Variants in IGSF9B observed in about 807,000 individuals in gnomAD.
IGSF9B encodes immunoglobulin superfamily member 9B, also known as protein turtle homolog B.
IGSF9B carries 48 observed loss-of-function variants against 143.7 expected under a neutral mutation model. That is an observed-to-expected ratio of 0.33 (90% CI 0.26 to 0.42). IGSF9B has a LOEUF of 0.42. Among genes scored for constraint, IGSF9B ranks in the 20% least tolerant of loss-of-function variants. IGSF9B has a pLI of 1.00. For missense variants in IGSF9B, 1,706 were observed against 1,980.0 expected (o/e 0.86, Z 2.63); for synonymous variants, 903 against 833.1 (o/e 1.08, Z -1.44).
At chr11:133,940,417 AC>A (rs1423377770) in intron 3 of IGSF9B, among the ~76,000 whole-genome samples, 1 of 138,684 alleles carries the variant, frequency 7.2e-6, no homozygotes, top group Non-Finnish European at 1.5e-5. Context: ...TACACCTTGC[AC>A]GTCCTCGCAC....
rs79221925 is a variant in IGSF9B at position 133,926,031 on chromosome 11, C to T, written c.1808-66G>A. 1,438 of 1,168,874 alleles carry T rather than the reference C, an allele frequency of 1.2e-3. 15 individuals are homozygous for T. The African/African-American group carries it at 0.017, about 13-fold the overall frequency. The allele number at this position is 1,168,874 out of a possible 1,614,324, so 72.4% of individuals were successfully genotyped here. ...GGCCCAGGGCAGCCACCGCACCCCC[C>T]ACACTCCTGTGCACATGTCAGGGCC... On this transcript the variant is annotated intron_variant, in intron 13 of 19. Coordinates refer to ENST00000533871, the MANE Select transcript of IGSF9B (RefSeq NM_001277285.4).
chr11:133,910,943 TC>T (rs2121269207), intron 19 of IGSF9B, among the ~76,000 whole-genome samples: 1 of 152,338 alleles, frequency 6.6e-6, no homozygotes, highest in East Asian at 1.9e-4. Context: ...TTTCTCTGCC[TC>T]AGTATTTCCA....
intron 1 of IGSF9B, among the ~76,000 whole-genome samples, chr11:133,947,198 C>T (rs1264230587): frequency 6.6e-6 from 1 of 152,170 alleles, no homozygotes; most frequent in Non-Finnish European, 1.5e-5. Flanking sequence ...GAGCCACGCA[C>T]CCCAAGCGCC....
chr11:133,903,884 A>G lies in IGSF9B; in HGVS notation c.*5185T>C, dbSNP rs1435173809. On this transcript the variant is annotated 3_prime_UTR_variant, in exon 20 of 20. Transcript: ENST00000533871. The stretch of plus-strand genomic sequence containing the variant: ...AAGCTGGTAAGAGTGCGAAAGTCCA[A>G]TCTGGGCTTTGATCCTTGGTTTACT... 2.0e-5 allele frequency among the ~76,000 whole-genome samples: 3 copies of G among 152,180 alleles called. No individual in the cohort carries two copies. Among genetic ancestry groups the G allele is most frequent in the African/African-American group, 4.8e-5 (2 of 41,456 alleles).
In IGSF9B at chr11:133,906,560, G is replaced by A. The variant is rs1031024274; in HGVS notation, c.*2509C>T. ...GGTCATGGGCACTGCCAGAGGAAGC[G>A]GAGGAGGAGTCAGCACCTGGGTTAG... On this transcript the variant is annotated 3_prime_UTR_variant, in exon 20 of 20. Transcript: ENST00000533871. 5.9e-5 allele frequency among the ~76,000 whole-genome samples: 9 copies of A among 152,352 alleles called. 1 individual carries two copies. The highest frequency in any genetic ancestry group is 2.1e-4 in the South Asian group (1 of 4,828).
intron 11 of IGSF9B, among the ~76,000 whole-genome samples, chr11:133,930,488 C>CG (rs1939702741): frequency 6.6e-6 from 1 of 152,146 alleles, no homozygotes; most frequent in Non-Finnish European, 1.5e-5. Flanking sequence ...AGGGCCCAGG[C>CG]GAAGGTCCTG....
chr11:133,937,935 G>C lies in IGSF9B; in HGVS notation c.436C>G (p.Pro146Ala). 1 of 1,613,494 alleles carries C rather than the reference G, an allele frequency of 6.2e-7. No individual in the cohort carries two copies. Among genetic ancestry groups the C allele is most frequent in the Non-Finnish European group, 8.5e-7 (1 of 1,179,758 alleles). ...CCCTCCTTGGCCTCGATGTACTGGG[G>C]GGGTGTTTCTGTAAAGGTGGGAGGG... ...NAPPTFTETP[P>A]QYIEAKEGGS... The change falls in exon 4 of 20, where the codon CCC (proline) becomes GCC (alanine). Residue 146 changes from proline to alanine, a missense_variant. This residue lies in a region of IGSF9B where 171 missense variants were observed against 213.9 expected (regional missense o/e 0.80). Transcript: ENST00000533871.
intron 11 of IGSF9B, among the ~76,000 whole-genome samples, chr11:133,930,451 C>T (rs976945717): frequency 2.0e-5 from 3 of 152,140 alleles, no homozygotes; most frequent in African/African-American, 4.8e-5. Context: ...TGATTATAGC[C>T]GTCAGGACCC....
At chr11:133,941,441 G>A (rs973500783) in intron 3 of IGSF9B, among the ~76,000 whole-genome samples, 2 of 152,204 alleles carry the variant, frequency 1.3e-5, no homozygotes, top group Non-Finnish European at 2.9e-5. Flanking sequence ...ATTTTCCAAA[G>A]GTGATCCCCG....
intron 7 of IGSF9B, among the ~76,000 whole-genome samples, chr11:133,935,114 G>C (rs923442992): frequency 6.6e-6 from 1 of 152,142 alleles, no homozygotes; most frequent in Non-Finnish European, 1.5e-5. Context: ...CACCCAAGGG[G>C]AGAGGCCGCG....
rs370726362 is a variant in IGSF9B, at chr11:133,902,016, TACAC to T, written c.*7049_*7052del. Among the ~76,000 whole-genome samples, 61 of 96,890 alleles carry T rather than the reference TACAC, an allele frequency of 6.3e-4. No homozygotes were observed. Among genetic ancestry groups the T allele is most frequent in the African/African-American group, 2.8e-3 (57 of 20,682 alleles). The allele number at this position is 96,890 out of a possible 152,430, so 63.6% of individuals were successfully genotyped here. On this transcript the variant is annotated 3_prime_UTR_variant, in exon 20 of 20. Transcript: ENST00000533871. Reference sequence around the variant, plus strand: ...ATCACACACACACACACACCAGACATACACACACCATACCACACACCACACCCAC... The same window carrying T: ...ATCACACACACACACACACCAGACATACACCATACCACACACCACACCCAC...
intron 1 of IGSF9B, among the ~76,000 whole-genome samples, chr11:133,950,220 G>C (rs926309601): frequency 3.3e-5 from 5 of 152,206 alleles, no homozygotes; most frequent in Admixed American, 1.3e-4. Flanking sequence ...GGAAGGGCTG[G>C]GGAAGGAGGG....
intron 7 of IGSF9B, among the ~76,000 whole-genome samples, chr11:133,933,035 G>C (rs2121314189): frequency 6.6e-6 from 1 of 152,222 alleles, no homozygotes; most frequent in African/African-American, 2.4e-5. Context: ...CAGACAGACA[G>C]ACACAGGGAA....
At chr11:133,924,697 C>T in intron 15 of IGSF9B, 123 bp downstream of exon 15, 1 of 773,432 alleles carries the variant, frequency 1.3e-6, no homozygotes, top group Non-Finnish European at 2.2e-6. Flanking sequence ...CAGCTGCAAC[C>T]AGGCACTGCC....
chr11:133,920,307 G>A lies in IGSF9B; in HGVS notation c.3418C>T (p.Gln1140Ter). Residue 1140 changes from glutamine to a stop codon, truncating the protein, a stop_gained, in exon 18 of 20, where the codon CAA (glutamine) becomes TAA (stop). Coordinates refer to ENST00000533871, the MANE Select transcript of IGSF9B (RefSeq NM_001277285.4). LOFTEE classifies it high-confidence loss of function. Reference sequence around the variant, plus strand: ...GGCAGCACAGGTATGCCCATGCCTTGGCTTGTATGTCGCAGCTGCCCTTGG... The same window carrying A: ...GGCAGCACAGGTATGCCCATGCCTTAGCTTGTATGTCGCAGCTGCCCTTGG... ...VSQGQLRHTSQGMGIPVLPYP... is the reference protein window; with the variant it reads ...VSQGQLRHTS 6.4e-7 allele frequency: 1 copy of A among 1,568,696 alleles called. No homozygotes were observed. The highest frequency in any genetic ancestry group is 8.6e-7 in the Non-Finnish European group (1 of 1,157,914).
chr11:133,911,340 G>A (rs1362132120), intron 19 of IGSF9B, among the ~76,000 whole-genome samples: 2 of 152,196 alleles, frequency 1.3e-5, no homozygotes, highest in Non-Finnish European at 2.9e-5. Context: ...CACTGAGAAG[G>A]GTGTAGCCAA....
chr11:133,953,454 TC>T lies in IGSF9B; in HGVS notation c.64+3236del, dbSNP rs1940198946. On this transcript the variant is annotated intron_variant, in intron 1 of 19. Transcript: ENST00000533871. The surrounding 1 kb of genome is among the most constrained non-coding windows in gnomAD (Gnocchi z 4.2). ...CACATCCATCCAGCCACTGACCACT[TC>T]CTGAGTGAAGTCCTTCTCAGCCGAT... is the stretch of plus-strand genomic sequence containing the variant. 6.6e-6 allele frequency among the ~76,000 whole-genome samples: 1 copy of T among 152,136 alleles called. No homozygotes were observed. Among genetic ancestry groups the T allele is most frequent in the African/African-American group, 2.4e-5 (1 of 41,434 alleles).
chr11:133,940,177 G>A (rs191088500), intron 3 of IGSF9B, among the ~76,000 whole-genome samples: 178 of 128,070 alleles, frequency 1.4e-3, no homozygotes, highest in Non-Finnish European at 2.2e-3. Flanking sequence ...GTCCTCGCAC[G>A]CGTCATCGCA....
At chr11:133,942,807 C>A (rs1939975391) in intron 3 of IGSF9B, among the ~76,000 whole-genome samples, 1 of 152,168 alleles carries the variant, frequency 6.6e-6, no homozygotes, top group Non-Finnish European at 1.5e-5. Context: ...GTGGTCAGAA[C>A]AATCCCCCCA....
Sources: allele counts gnomAD v4.1 joint callset (sites outside exome capture counted in the v4.1 genomes callset), GRCh38; gene constraint gnomAD v4.1.1; regional missense constraint gnomAD v4.1.1; non-coding constraint Gnocchi (gnomAD v3.1); transcripts MANE v1.5; gene names NCBI Gene and HGNC (gene_info 2026-07-23, HGNC 2026-07-21).